SHMT2: variants seen among roughly 807,000 people sequenced by gnomAD.
SHMT2 encodes serine hydroxymethyltransferase, mitochondrial.
In SHMT2, 38 loss-of-function variants were observed where a neutral mutation model predicts 59.6. That is an observed-to-expected ratio of 0.64 (90% CI 0.49 to 0.84). The LOEUF (loss-of-function observed/expected upper bound fraction) is 0.84, where lower values mean the gene tolerates loss of function less well. SHMT2 is among the 40% of genes least tolerant of loss of function. The probability of loss-of-function intolerance (pLI) is 0.00; values close to 1 mark genes in which losing one functional copy is unlikely to be tolerated. For missense variants in SHMT2, 533 were observed against 659.5 expected (o/e 0.81, Z 2.10); for synonymous variants, 254 against 258.1 (o/e 0.98, Z 0.15).
chr12:57,232,098 G>A (rs2037342032), intron 4 of SHMT2, 113 bp from the exon 5 acceptor site: 2 of 1,156,202 alleles, frequency 1.7e-6, no homozygotes. Context: ...AGAGCAGTGA[G>A]GCGGTGTGTC....
chr12:57,234,065 A>G lies in SHMT2; in HGVS notation c.1342A>G (p.Ile448Val). 2 of 1,614,192 alleles carry G rather than the reference A, an allele frequency of 1.2e-6. No homozygotes were observed. The highest frequency in any genetic ancestry group is 1.7e-6 in the Non-Finnish European group (2 of 1,180,034). The change falls in exon 11 of 12, where the codon ATA (isoleucine) becomes GTA (valine). Residue 448 changes from isoleucine (I) to valine (V), a missense_variant. Ile to Val is a conservative substitution (Grantham distance 29, BLOSUM62 3). Transcript: ENST00000328923. ...EDDFRRVVDF[I>V]DEGVNIGLEV... is the part of the protein sequence containing the mutation. ...TGACTTCCGGAGAGTTGTGGACTTT[A>G]TAGATGAAGGGGTCAACATTGGCTT...
At chr12:57,232,069 T>G in intron 4 of SHMT2, 142 bp from the exon 5 acceptor site, 1 of 1,121,512 alleles carries the variant, frequency 8.9e-7, no homozygotes, top group Non-Finnish European at 1.3e-6. Context: ...CCAGTTATAG[T>G]GCCTACCACA....
In SHMT2 at chr12:57,231,472, C is replaced by A. The variant is rs2037315016; in HGVS notation, c.232-9C>A. 2 of 1,613,576 alleles carry A rather than the reference C, an allele frequency of 1.2e-6. No individual in the cohort carries two copies. Among genetic ancestry groups the A allele is most frequent in the African/African-American group, 2.7e-5 (2 of 75,044 alleles). On this transcript the variant is annotated splice_polypyrimidine_tract_variant and intron_variant, in intron 2 of 11. Coordinates refer to ENST00000328923, the MANE Select transcript of SHMT2 (RefSeq NM_005412.6). Reference sequence around the variant, plus strand: ...CAATACCTTCTGACATTGCCCCCCACCACCCCAGAACTTCTGCAGCCGAGC... The same window carrying A: ...CAATACCTTCTGACATTGCCCCCCAACACCCCAGAACTTCTGCAGCCGAGC...
chr12:57,232,984 C>G lies in SHMT2; in HGVS notation c.857+141C>G, dbSNP rs2037390264. On this transcript the variant is annotated intron_variant, in intron 7 of 11. Transcript: ENST00000328923. ...CCCAGTCTGTGAGAGTTCTCCTTCT[C>G]TTGCCCATGGTGGCCATGCCCTGGC... is the stretch of plus-strand genomic sequence containing the variant. 4.5e-6 allele frequency: 6 copies of G among 1,324,882 alleles called. No individual in the cohort carries two copies. In the Admixed American group the frequency reaches 7.3e-5, roughly 16 times the overall value. The allele number at this position is 1,324,882 out of a possible 1,614,324, so 82.1% of individuals were successfully genotyped here. A position where few individuals can be genotyped will look rare whatever the true frequency, so the allele number is the denominator to read the frequency against.
intron 5 of SHMT2, 63 bp downstream of exon 5, chr12:57,232,355 C>G: frequency 6.2e-7 from 1 of 1,612,822 alleles, no homozygotes; most frequent in Non-Finnish European, 8.5e-7. Context: ...CCTGGAGAAG[C>G]TGAGGGCCTG....
Position 57,229,711 on chromosome 12 carries a change from C to T in SHMT2, c.-68C>T, listed in dbSNP as rs779531734. On this transcript the variant is annotated 5_prime_UTR_variant, in exon 1 of 12. Coordinates refer to ENST00000328923, the MANE Select transcript of SHMT2 (RefSeq NM_005412.6). ...CTCGCGCATGCGTTCTCCGAACGGTCTTCTTCCGACAGCTTGCTGCCCTAG... is the reference window on the plus strand; with the variant it reads ...CTCGCGCATGCGTTCTCCGAACGGTTTTCTTCCGACAGCTTGCTGCCCTAG... 6 of 1,599,804 alleles carry T rather than the reference C, an allele frequency of 3.8e-6. No individual in the cohort carries two copies. Among genetic ancestry groups the T allele is most frequent in the East Asian group, 2.2e-5 (1 of 44,824 alleles).
chr12:57,234,488 A>C lies in SHMT2; in HGVS notation c.*127A>C. 1.0e-6 allele frequency: 1 copy of C among 982,992 alleles called. No individual in the cohort carries two copies. The highest frequency in any genetic ancestry group is 2.2e-5 in the South Asian group (1 of 45,292). 60.9% of individuals were successfully genotyped at this position (982,992 alleles called of 1,614,324 possible). Reference sequence around the variant, plus strand: ...AGACCTCTCACTTAGGGCAAGAGCCAGGTATAGTCTCCCTTCCCAGAATTT... The same window carrying C: ...AGACCTCTCACTTAGGGCAAGAGCCCGGTATAGTCTCCCTTCCCAGAATTT... On this transcript the variant is annotated 3_prime_UTR_variant, in exon 12 of 12. Transcript: ENST00000328923.
intron 8 of SHMT2, 29 bp downstream of exon 8, chr12:57,233,374 G>C (rs979030931): frequency 1.3e-6 from 2 of 1,566,214 alleles, no homozygotes; most frequent in Middle Eastern, 1.7e-4. Context: ...GTAGGGTGTG[G>C]GGGGGCAATG....
chr12:57,229,777 C>T lies in SHMT2; in HGVS notation c.-2C>T. 2 of 1,614,154 alleles carry T rather than the reference C, an allele frequency of 1.2e-6. No homozygotes were observed. Among genetic ancestry groups the T allele is most frequent in the Non-Finnish European group, 1.7e-6 (2 of 1,179,988 alleles). ...TGGACCTCCTGCGACTTCCGAGTTGCGATGCTGTACTTCTCTTTGTTTTGG... is the reference window on the plus strand; with the variant it reads ...TGGACCTCCTGCGACTTCCGAGTTGTGATGCTGTACTTCTCTTTGTTTTGG... On this transcript the variant is annotated 5_prime_UTR_variant, in exon 1 of 12. Coordinates refer to ENST00000328923, the MANE Select transcript of SHMT2 (RefSeq NM_005412.6).
Position 57,232,454 on chromosome 12 carries a change from C to T in SHMT2, c.596C>T (p.Pro199Leu). Residue 199 changes from proline to leucine, a missense_variant and splice_region_variant, in exon 6 of 12, where the codon CCC (proline) becomes CTC (leucine). Physicochemically the swap from Pro to Leu is moderately conservative, Grantham distance 98 (BLOSUM62 -3). Transcript: ENST00000328923. ...FFESMPYKLN[P>L]KTGLIDYNQL... ...TTAGCTGTTTGTGTGTCTGTCCAGC[C>T]CAAAACTGGCCTCATTGACTACAAC... is the stretch of plus-strand genomic sequence containing the variant. 1.2e-6 allele frequency: 2 copies of T among 1,614,170 alleles called. No individual in the cohort carries two copies. The highest frequency in any genetic ancestry group is 1.7e-6 in the Non-Finnish European group (2 of 1,180,012).
rs1241328922 is a variant in SHMT2 at position 57,234,752 on chromosome 12, G to A, written c.*391G>A. 1.2e-5 allele frequency: 2 copies of A among 165,306 alleles called. No individual in the cohort carries two copies. The highest frequency in any genetic ancestry group is 1.8e-4 in the East Asian group (1 of 5,590). 10.2% of individuals were successfully genotyped at this position (165,306 alleles called of 1,614,324 possible). On this transcript the variant is annotated 3_prime_UTR_variant, in exon 12 of 12. Transcript: ENST00000328923. ...CCTGAGTTTCCATTACTGTGGGTGG[G>A]GTTCCCCTGGGCCAAACAGTGATTT...
chr12:57,232,627 G>A, intron 6 of SHMT2, 52 bp downstream of exon 6: 1 of 1,612,774 alleles, frequency 6.2e-7, no homozygotes, highest in African/African-American at 1.3e-5. Context: ...TGGTGAGGAG[G>A]TGTGGGAGGA....
rs535962107 is a variant in SHMT2, at chr12:57,231,047, G to T, written c.231+47G>T. Reference sequence around the variant, plus strand: ...AGGGGTTGGGCCACCATGGGTACAGGAAGTAACAAAGTTATCTTAACTGAT... The same window carrying T: ...AGGGGTTGGGCCACCATGGGTACAGTAAGTAACAAAGTTATCTTAACTGAT... On this transcript the variant is annotated intron_variant, in intron 2 of 11. Coordinates refer to ENST00000328923, the MANE Select transcript of SHMT2 (RefSeq NM_005412.6). 7 of 1,570,688 alleles carry T rather than the reference G, an allele frequency of 4.5e-6. No homozygotes were observed. The Admixed American group carries it at 1.2e-4, about 26-fold the overall frequency.
rs544008349 is a variant in SHMT2, at chr12:57,229,787, C to T, written c.9C>T (p.Tyr3=). 37 of 1,614,066 alleles carry T rather than the reference C, an allele frequency of 2.3e-5. No homozygotes were observed. Among genetic ancestry groups the T allele is most frequent in the Non-Finnish European group, 2.9e-5 (34 of 1,180,002 alleles). ...GCGACTTCCGAGTTGCGATGCTGTA[C>T]TTCTCTTTGTTTTGGGCGGCTCGGG... The part of the protein sequence containing the change: ML[Y]FSLFWAARPL... Residue 3 remains tyrosine (Y), a synonymous_variant, in exon 1 of 12, where the codon TAC becomes TAT. Coordinates refer to ENST00000328923, the MANE Select transcript of SHMT2 (RefSeq NM_005412.6).
Position 57,231,515 on chromosome 12 carries a change from G to A in SHMT2, c.266G>A (p.Gly89Glu), listed in dbSNP as rs1488946349. Residue 89 changes from glycine (G) to glutamate (E), a missense_variant, in exon 3 of 12, where the codon GGG becomes GAG. Coordinates refer to ENST00000328923, the MANE Select transcript of SHMT2 (RefSeq NM_005412.6). Reference protein sequence around the residue: ...FCSRAALEALGSCLNNKYSEG... With the variant: ...FCSRAALEALESCLNNKYSEG... ...AGCCGAGCTGCGCTGGAGGCCCTGG[G>A]GTCCTGTCTGAACAACAAGTACTCG... is the stretch of plus-strand genomic sequence containing the variant. 6.2e-7 allele frequency: 1 copy of A among 1,614,198 alleles called. No individual in the cohort carries two copies. The highest frequency in any genetic ancestry group is 2.2e-5 in the East Asian group (1 of 44,890).
chr12:57,234,136 G>A, intron 11 of SHMT2, 26 bp downstream of exon 11: 2 of 1,613,812 alleles, frequency 1.2e-6, no homozygotes, highest in Admixed American at 1.7e-5. Flanking sequence ...GGAGCCCCGG[G>A]CCAGCCAGTT....
chr12:57,231,380 G>T, intron 2 of SHMT2, 101 bp from the exon 3 acceptor site: 1 of 1,253,344 alleles, frequency 8.0e-7, no homozygotes. Context: ...GCTTTCTGCA[G>T]GGAGTACTCC....
rs769319081 is a variant in SHMT2 at position 57,233,332 on chromosome 12, T to C, written c.1010T>C (p.Val337Ala). The change falls in exon 8 of 12, where the codon GTG (valine) becomes GCG (alanine). Residue 337 changes from valine (V) to alanine (A), a missense_variant. Val to Ala is a moderately conservative substitution (Grantham distance 64). Transcript: ENST00000328923. ...AATCATGCCATTGCTGCAGTAGCTGTGGCCCTAAAGCAGGTTGGGGATCCT... is the reference window on the plus strand; with the variant it reads ...AATCATGCCATTGCTGCAGTAGCTGCGGCCCTAAAGCAGGTTGGGGATCCT... ...PHNHAIAAVA[V>A]ALKQACTPMF... 6.2e-7 allele frequency: 1 copy of C among 1,600,160 alleles called. No individual in the cohort carries two copies. Among genetic ancestry groups the C allele is most frequent in the South Asian group, 1.1e-5 (1 of 89,848 alleles).
rs1452773614 is a variant in SHMT2, at chr12:57,232,517, T to C, written c.659T>C (p.Leu220Pro). Residue 220 changes from leucine to proline, a missense_variant, in exon 6 of 12, where the codon CTC (leucine) becomes CCC (proline). Transcript: ENST00000328923. ...ACTGCTCGACTTTTCCGGCCACGGCTCATCATAGCTGGCACCAGCGCCTAT... is the reference window on the plus strand; with the variant it reads ...ACTGCTCGACTTTTCCGGCCACGGCCCATCATAGCTGGCACCAGCGCCTAT... ...ALTARLFRPR[L>P]IIAGTSAYAR... 2 of 1,614,092 alleles carry C rather than the reference T, an allele frequency of 1.2e-6. No individual in the cohort carries two copies. The highest frequency in any genetic ancestry group is 3.3e-5 in the Admixed American group (2 of 60,010).
Sources: allele counts gnomAD v4.1 joint callset, GRCh38; gene constraint gnomAD v4.1.1; transcripts MANE v1.5; gene names NCBI Gene and HGNC (gene_info 2026-07-23, HGNC 2026-07-21).